Variants in PARP1 observed in about 807,000 individuals in gnomAD.
PARP1 encodes poly [ADP-ribose] polymerase 1.
Under a neutral mutation model 118.7 loss-of-function variants are expected in PARP1, and 44 were observed. That is an observed-to-expected ratio of 0.37 (90% confidence interval 0.29 to 0.48). PARP1 has a LOEUF of 0.48. Ranked by LOEUF, PARP1 falls within the 20% of genes least tolerant of loss-of-function variation. The probability of loss-of-function intolerance (pLI) is 0.99; values close to 1 mark genes in which losing one functional copy is unlikely to be tolerated. For missense variants in PARP1, 1,100 were observed against 1,272.4 expected (o/e 0.86, Z 2.06); for synonymous variants, 492 against 483.2 (o/e 1.02, Z -0.24).
Position 226,408,076 on chromosome 1 carries a change from G to A in PARP1, c.-147C>T. ...CGAACACGCCGCACCGGCCACCGCC[G>A]TTCCCTGATAGATTGCTGATGCCTG... On this transcript the variant is annotated 5_prime_UTR_variant, in exon 1 of 23. The change creates a new upstream start codon in the 5' untranslated region. Coordinates refer to ENST00000366794, the MANE Select transcript of PARP1 (RefSeq NM_001618.4). The A allele has an allele frequency of 2.5e-6, 3 of 1,189,888 alleles. No homozygotes were observed. Among genetic ancestry groups the A allele is most frequent in the South Asian group, 1.3e-5 (1 of 76,902 alleles). 73.7% of individuals were successfully genotyped at this position (1,189,888 alleles called of 1,614,324 possible).
rs138341352 is a variant in PARP1, at chr1:226,401,938, C to T, written c.286+276G>A. 2.7e-5 allele frequency: 39 copies of T among 1,425,884 alleles called. No individual in the cohort carries two copies. The East Asian group carries it at 9.8e-4, about 36-fold the overall frequency. The allele number at this position is 1,425,884 out of a possible 1,614,324, so 88.3% of individuals were successfully genotyped here. A position where few individuals can be genotyped will look rare whatever the true frequency, so the allele number is the denominator to read the frequency against. On this transcript the variant is annotated intron_variant, in intron 2 of 22. Transcript: ENST00000366794. ...GGTACTGGAAACTCTTTGTTCTTTG[C>T]TTACTTTTGCCATGAACAAAAATAA... is the stretch of plus-strand genomic sequence containing the variant.
chr1:226,360,945 G>A lies in PARP1; in HGVS notation c.*515C>T, dbSNP rs560087931. On this transcript the variant is annotated 3_prime_UTR_variant, in exon 23 of 23. Coordinates refer to ENST00000366794, the MANE Select transcript of PARP1 (RefSeq NM_001618.4). ...CTTCCCACACCCCTCACCACAAGAG[G>A]CAAACAAAAAAAACTAAAAAGGGGA... 4.1e-4 allele frequency: 94 copies of A among 228,590 alleles called. No homozygotes were observed. The highest frequency in any genetic ancestry group is 1.9e-3 in the African/African-American group (86 of 44,634). The allele number at this position is 228,590 out of a possible 1,614,324, so 14.2% of individuals were successfully genotyped here.
Position 226,390,455 on chromosome 1 carries a change from T to A in PARP1, c.572A>T (p.Asp191Val). 6.2e-7 allele frequency: 1 copy of A among 1,614,130 alleles called. No homozygotes were observed. The highest frequency in any genetic ancestry group is 8.5e-7 in the Non-Finnish European group (1 of 1,180,024). Residue 191 changes from aspartate (D) to valine (V), a missense_variant, in exon 4 of 23, where the codon GAT (aspartate) becomes GTT (valine). Asp to Val is a radical substitution (Grantham distance 152). This residue lies in a region of PARP1 where 948 missense variants were observed against 1,031.8 expected (regional missense o/e 0.92). Coordinates refer to ENST00000366794, the MANE Select transcript of PARP1 (RefSeq NM_001618.4). ...GAGCTGCTTCTTCAGGGCTTCTTTA[T>A]CCTCTGTAGCAAGGAGGCTGAAGCC... Reference protein sequence around the residue: ...LKGFSLLATEDKEALKKQLPG... With the variant: ...LKGFSLLATEVKEALKKQLPG...
At chr1:226,373,345 G>A (rs1250398068) in intron 14 of PARP1, among the ~76,000 whole-genome samples, 1 of 152,204 alleles carries the variant, frequency 6.6e-6, no homozygotes, top group Non-Finnish European at 1.5e-5. Context: ...ATGCATCACA[G>A]CTGCTTGTTT....
chr1:226,395,325 C>T (rs78087823), intron 2 of PARP1, among the ~76,000 whole-genome samples: 6,212 of 152,054 alleles, frequency 0.041, 205 homozygotes, highest in Middle Eastern at 0.068. Context: ...ATCTGTATAC[C>T]GATGTTCATT....
chr1:226,395,055 C>T (rs571738911), intron 2 of PARP1, among the ~76,000 whole-genome samples: 8 of 151,724 alleles, frequency 5.3e-5, no homozygotes, highest in South Asian at 2.1e-4. Flanking sequence ...CATCACTAGT[C>T]GTTAGGGAAA....
chr1:226,401,352 C>G (rs1665032197), intron 2 of PARP1, among the ~76,000 whole-genome samples: 1 of 152,218 alleles, frequency 6.6e-6, no homozygotes, highest in Non-Finnish European at 1.5e-5. Context: ...AGGGCTACCC[C>G]ACAGGCACTG....
intron 16 of PARP1, among the ~76,000 whole-genome samples, chr1:226,367,929 G>A (rs950357954): frequency 6.6e-6 from 1 of 152,192 alleles, no homozygotes; most frequent in Non-Finnish European, 1.5e-5. Context: ...TTAAAAGGCA[G>A]GGAGGGAAAA....
intron 16 of PARP1, 98 bp downstream of exon 16, chr1:226,368,101 T>C (rs1664306508): frequency 4.6e-6 from 7 of 1,531,292 alleles, no homozygotes; most frequent in Non-Finnish European, 6.3e-6. Flanking sequence ...CTCCCAGCAT[T>C]GGTGCTGCCC....
intron 2 of PARP1, among the ~76,000 whole-genome samples, chr1:226,399,270 C>T (rs927187926): frequency 2.0e-5 from 3 of 151,812 alleles, no homozygotes; most frequent in African/African-American, 7.3e-5. Context: ...CAGGGTTTCA[C>T]CATATTGGCC....
Position 226,372,038 on chromosome 1 carries a change from C to G in PARP1, c.2071-1521G>C, listed in dbSNP as rs1664393888. On this transcript the variant is annotated intron_variant, in intron 14 of 22. Coordinates refer to ENST00000366794, the MANE Select transcript of PARP1 (RefSeq NM_001618.4). ...CTTGGCACTGGGGACCCACGAGCCC[C>G]AGCTGCAGCCAGGAGGAGGCTTCTA... Among the ~76,000 whole-genome samples the G allele has an allele frequency of 2.0e-5, 3 of 152,320 alleles. No individual in the cohort carries two copies. The South Asian group carries it at 6.2e-4, about 32-fold the overall frequency.
intron 5 of PARP1, among the ~76,000 whole-genome samples, chr1:226,386,768 AGGCT>A (rs1664724700): frequency 6.6e-6 from 1 of 152,218 alleles, no homozygotes; most frequent in Non-Finnish European, 1.5e-5. Context: ...TGGAGGTGCT[AGGCT>A]GAGCCCACGG....
At chr1:226,363,224 AT>A (rs975575629) in intron 20 of PARP1, 64 bp from the exon 21 acceptor site, 2 of 1,009,714 alleles carry the variant, frequency 2.0e-6, no homozygotes, top group African/African-American at 1.6e-5. Flanking sequence ...CAACAGTTTG[AT>A]TAGGAGAATA....
intron 1 of PARP1, among the ~76,000 whole-genome samples, chr1:226,403,439 A>T (rs1453525202): frequency 2.0e-5 from 3 of 152,196 alleles, no homozygotes; most frequent in Non-Finnish European, 4.4e-5. Context: ...CGGCTTCCCG[A>T]AGTGCTGGGA....
At chr1:226,407,725 T>G in intron 1 of PARP1, 85 bp downstream of exon 1, 88 of 978,200 alleles carry the variant, frequency 9.0e-5, no homozygotes, top group Non-Finnish European at 1.1e-4. Context: ...GCTCGCTCCC[T>G]GGGCCCGCCC....
At chr1:226,403,543 G>A (rs1299322710) in intron 1 of PARP1, among the ~76,000 whole-genome samples, 1 of 152,186 alleles carries the variant, frequency 6.6e-6, no homozygotes, top group Non-Finnish European at 1.5e-5. Flanking sequence ...TGTAGTGTGT[G>A]TCCCTGCTCC....
intron 2 of PARP1, among the ~76,000 whole-genome samples, chr1:226,395,345 T>C (rs936124207): frequency 2.0e-5 from 3 of 152,182 alleles, no homozygotes; most frequent in Admixed American, 6.5e-5. Flanking sequence ...TATAGCATTA[T>C]TAATAATATT....
At position 226,360,904 on chromosome 1, in the gene PARP1, C is replaced by T. The variant is rs191721576; in HGVS notation, c.*556G>A. 372 of 225,392 alleles carry T rather than the reference C, an allele frequency of 1.7e-3. 4 individuals carry two copies. The highest frequency in any genetic ancestry group is 7.5e-4 in the Non-Finnish European group (85 of 113,242). The allele number at this position is 225,392 out of a possible 1,614,324, so 14.0% of individuals were successfully genotyped here. A position where few individuals can be genotyped will look rare whatever the true frequency, so the allele number is the denominator to read the frequency against. ...GTTTCTAAGTATGAGAAATTGTTAG[C>T]GTTCCTTCCTTTGGTCTTCCCACAC... On this transcript the variant is annotated 3_prime_UTR_variant, in exon 23 of 23. Transcript: ENST00000366794.
At chr1:226,367,372 C>T (rs1576391205) in intron 17 of PARP1, 108 bp downstream of exon 17, 1 of 1,335,438 alleles carries the variant, frequency 7.5e-7, no homozygotes, top group East Asian at 2.3e-5. Flanking sequence ...GCGCCAGCCA[C>T]CTGTGTTTTA....
Sources: gnomAD v4.1 joint callset for allele counts (sites outside exome capture counted in the v4.1 genomes callset) on GRCh38, gnomAD v4.1.1 for gene constraint, gnomAD v4.1.1 regional missense constraint, MANE v1.5 for transcripts, NCBI Gene and HGNC (gene_info 2026-07-23, HGNC 2026-07-21) for gene names.